AGFG1: variants seen among roughly 807,000 people sequenced by gnomAD.
AGFG1 encodes the protein ArfGAP with FG repeats 1, also known as arf-GAP domain and FG repeat-containing protein 1.
AGFG1 carries 10 observed loss-of-function variants against 60.6 expected under a neutral mutation model. The observed-to-expected ratio is 0.16, with a 90% CI of 0.10 to 0.28. The LOEUF (loss-of-function observed/expected upper bound fraction) is 0.28. AGFG1 is among the 10% of genes least tolerant of loss of function. AGFG1 has a pLI of 1.00. For missense variants in AGFG1, 537 were observed against 676.5 expected, an observed-to-expected ratio of 0.79 and a Z score of 2.29; for synonymous variants, 247 against 242.9, an observed-to-expected ratio of 1.02 and a Z score of -0.16.
At chr2:227,524,132 T>G (rs1691907830) in intron 4 of AGFG1, among the ~76,000 whole-genome samples, 1 of 152,008 alleles carries the variant, frequency 6.6e-6, no homozygotes, top group South Asian at 2.1e-4. Flanking sequence ...TGAGTTTCTT[T>G]GACTTCTCTG....
Position 227,502,859 on chromosome 2 carries a change from T to A in AGFG1, c.261+11219T>A, listed in dbSNP as rs1430578991. 3.9e-5 allele frequency among the ~76,000 whole-genome samples: 6 copies of A among 152,202 alleles called. No homozygotes were observed. In the East Asian group the frequency reaches 1.2e-3, roughly 29 times the overall value. ...TGATAGGGATTGAGTTTCATATTTT[T>A]ACATGAATATATACACTTCTAGCTC... On this transcript the variant is annotated intron_variant, in intron 2 of 12. Transcript: ENST00000310078.
chr2:227,509,910 A>G (rs1187877372), intron 2 of AGFG1, among the ~76,000 whole-genome samples: 2 of 152,218 alleles, frequency 1.3e-5, no homozygotes, highest in Non-Finnish European at 2.9e-5. Context: ...AAACTGATAT[A>G]TTTAACTAGA....
chr2:227,500,666 A>G (rs1249329037), intron 2 of AGFG1, among the ~76,000 whole-genome samples: 1 of 152,266 alleles, frequency 6.6e-6, no homozygotes, highest in Non-Finnish European at 1.5e-5. Context: ...TATTTGCCTC[A>G]GCAGATATCT....
chr2:227,513,322 C>CA (rs1373376567), intron 2 of AGFG1, among the ~76,000 whole-genome samples: 1 of 152,200 alleles, frequency 6.6e-6, no homozygotes, highest in Non-Finnish European at 1.5e-5. Flanking sequence ...TGGCTCCAAG[C>CA]AGCTGGTCTG....
chr2:227,527,770 G>A (rs977565824), intron 5 of AGFG1, among the ~76,000 whole-genome samples: 8 of 152,000 alleles, frequency 5.3e-5, no homozygotes, highest in African/African-American at 1.9e-4. Flanking sequence ...TATTATTTTG[G>A]CACATGTGTA....
At chr2:227,508,383 A>G (rs1691390140) in intron 2 of AGFG1, 1 of 254,682 alleles carries the variant, frequency 3.9e-6, no homozygotes, top group East Asian at 8.8e-5. Context: ...ACTTCATATC[A>G]AGACAAAATA....
chr2:227,555,595 T>G lies in AGFG1; in HGVS notation c.*1100T>G, dbSNP rs1184389883. On this transcript the variant is annotated 3_prime_UTR_variant, in exon 13 of 13. Transcript: ENST00000310078. ...TGATATTATCTATAGGATATTTGTT[T>G]ATGTTTGTTTTTTGGGGGAAAGAAA... is the stretch of plus-strand genomic sequence containing the variant. 1.3e-5 allele frequency: 2 copies of G among 152,632 alleles called. No homozygotes were observed. The highest frequency in any genetic ancestry group is 4.8e-5 in the African/African-American group (2 of 41,448). 9.5% of individuals were successfully genotyped at this position (152,632 alleles called of 1,614,324 possible). A position where few individuals can be genotyped will look rare whatever the true frequency, so the allele number is the denominator to read the frequency against.
intron 1 of AGFG1, among the ~76,000 whole-genome samples, chr2:227,482,979 CTTTTTTTT>C (rs59051579): frequency 9.2e-6 from 1 of 108,242 alleles, no homozygotes; most frequent in African/African-American, 3.3e-5. Context: ...GTTATTGAGT[CTTTTTTTT>C]TTTTTTTTTT....
At chr2:227,528,215 G>T (rs72980852) in intron 5 of AGFG1, among the ~76,000 whole-genome samples, 2,312 of 152,230 alleles carry the variant, frequency 0.015, 38 homozygotes, top group Non-Finnish European at 0.024. Flanking sequence ...GGAAACTGGC[G>T]TAATTTTTAT....
At chr2:227,485,420 T>A (rs78402250) in intron 1 of AGFG1, among the ~76,000 whole-genome samples, 3 of 151,008 alleles carry the variant, frequency 2.0e-5, no homozygotes, top group Admixed American at 2.0e-4. Context: ...TTTTTTTTTT[T>A]TTCCAGTAGA....
chr2:227,472,392 C>T lies in AGFG1; in HGVS notation c.-30C>T, dbSNP rs766017358. The T allele has an allele frequency of 2.2e-5, 30 of 1,380,150 alleles. No homozygotes were observed. The highest frequency in any genetic ancestry group is 2.9e-5 in the Non-Finnish European group (30 of 1,051,316). 85.5% of individuals were successfully genotyped at this position (1,380,150 alleles called of 1,614,324 possible). On this transcript the variant is annotated 5_prime_UTR_variant, in exon 1 of 13. Transcript: ENST00000310078. ...GCGCAGCGCTGCCCGGCTCCCGGCC[C>T]TGCCGGCCTCCTCCCTTGGCGCCGC...
intron 10 of AGFG1, among the ~76,000 whole-genome samples, chr2:227,543,884 G>C (rs1252950550): frequency 6.6e-6 from 1 of 152,080 alleles, no homozygotes; most frequent in Non-Finnish European, 1.5e-5. Context: ...TCTTCTTGTT[G>C]AATTGATCCT....
At chr2:227,545,253 C>T (rs112769882) in intron 10 of AGFG1, among the ~76,000 whole-genome samples, 7,414 of 152,236 alleles carry the variant, frequency 0.049, 253 homozygotes, top group African/African-American at 0.1. Flanking sequence ...ATTGAATCAG[C>T]TACTGAAGCT....
intron 5 of AGFG1, among the ~76,000 whole-genome samples, chr2:227,526,679 A>T (rs1428743125): frequency 6.7e-6 from 1 of 149,264 alleles, no homozygotes; most frequent in Non-Finnish European, 1.5e-5. Context: ...AGTAACTGGG[A>T]TCACAGGCGC....
chr2:227,521,342 C>G (rs991729592), intron 3 of AGFG1, among the ~76,000 whole-genome samples: 1 of 152,198 alleles, frequency 6.6e-6, no homozygotes, highest in Non-Finnish European at 1.5e-5. Context: ...GCTGGGATTA[C>G]AGTTGTGAGC....
At chr2:227,491,195 G>T (rs1273626740) in intron 1 of AGFG1, among the ~76,000 whole-genome samples, 2 of 152,084 alleles carry the variant, frequency 1.3e-5, no homozygotes, top group Non-Finnish European at 2.9e-5. Flanking sequence ...AATATTTAAA[G>T]AATTTTAATA....
Position 227,560,930 on chromosome 2 carries a change from C to G in AGFG1, c.*6435C>G, listed in dbSNP as rs1693120024. On this transcript the variant is annotated 3_prime_UTR_variant, in exon 13 of 13. Coordinates refer to ENST00000310078, the MANE Select transcript of AGFG1 (RefSeq NM_004504.5). ...TAAAAAGTACCTTTGCACTTTAAAT[C>G]CTAGGAATAGGGAACAAGGAAACTT... The G allele has an allele frequency of 6.6e-6, 1 of 152,064 alleles. No individual in the cohort carries two copies. Among genetic ancestry groups the G allele is most frequent in the Non-Finnish European group, 1.5e-5 (1 of 67,980 alleles). The allele number at this position is 152,064 out of a possible 1,614,324, so 9.4% of individuals were successfully genotyped here.
chr2:227,532,189 T>G, intron 6 of AGFG1: 1 of 1,549,170 alleles, frequency 6.5e-7, no homozygotes, highest in Non-Finnish European at 8.7e-7. Flanking sequence ...ACTTCAGCTT[T>G]TCCTCTTCAG....
At chr2:227,534,824 C>T in intron 7 of AGFG1, 21 bp from the exon 8 acceptor site, 1 of 1,604,450 alleles carries the variant, frequency 6.2e-7, no homozygotes, top group Non-Finnish European at 8.5e-7. Context: ...TTTGGTGTAA[C>T]TTGATTTTGT....
Sources: gnomAD v4.1 joint callset for allele counts (sites outside exome capture counted in the v4.1 genomes callset) on GRCh38, gnomAD v4.1.1 for gene constraint, MANE v1.5 for transcripts, NCBI Gene and HGNC (gene_info 2026-07-23, HGNC 2026-07-21) for gene names.